The following WWOX variants were observed in gnomAD, a reference collection of about 807,000 sequenced individuals.
WWOX encodes WW domain-containing oxidoreductase.
In WWOX, 69 loss-of-function variants were observed where a neutral mutation model predicts 46.2. That is an observed-to-expected ratio of 1.49 (90% CI 1.23 to 1.82). The LOEUF (loss-of-function observed/expected upper bound fraction) is 1.82. Ranked by LOEUF, WWOX falls within the 40% of genes most tolerant of loss-of-function variation. WWOX has a pLI of 0.00. For missense variants in WWOX, 919 were observed against 542.6 expected, an observed-to-expected ratio of 1.69 and a Z score of -6.89; for synonymous variants, 359 against 202.6, an observed-to-expected ratio of 1.77 and a Z score of -6.56.
At chr16:79,206,173 G>T (rs2051503179) in intron 8 of WWOX, 1 of 152,176 alleles carries the variant, frequency 6.6e-6, no homozygotes, top group African/African-American at 2.4e-5. Flanking sequence ...ACACACGACA[G>T]CCCCCACATT....
chr16:78,786,217 A>T (rs1417321652), intron 8 of WWOX, among the ~76,000 whole-genome samples: 1 of 152,110 alleles, frequency 6.6e-6, no homozygotes, highest in Non-Finnish European at 1.5e-5. Context: ...GCCTGAATTA[A>T]TATTTTCTAC....
At chr16:78,824,939 T>C (rs895322171) in intron 8 of WWOX, among the ~76,000 whole-genome samples, 32 of 152,324 alleles carry the variant, frequency 2.1e-4, no homozygotes, top group African/African-American at 6.7e-4. Flanking sequence ...TTTGTTTTTA[T>C]TTGTTGTTTT....
intron 6 of WWOX, among the ~76,000 whole-genome samples, chr16:78,401,503 A>G (rs531881583): frequency 1.3e-5 from 2 of 152,126 alleles, no homozygotes; most frequent in Admixed American, 1.3e-4. Context: ...GTATCTTGTA[A>G]CCTGTATCCT....
intron 5 of WWOX, among the ~76,000 whole-genome samples, chr16:78,359,848 G>C (rs1409724372): frequency 6.6e-6 from 1 of 152,110 alleles, no homozygotes; most frequent in East Asian, 1.9e-4. Flanking sequence ...AGGTGACTAT[G>C]GACTTAATTT....
At chr16:79,101,873 G>A (rs2049203676) in intron 8 of WWOX, 1 of 151,392 alleles carries the variant, frequency 6.6e-6, no homozygotes, top group South Asian at 2.1e-4. Flanking sequence ...ACAGCGTTTT[G>A]GAGAGAGTGG....
chr16:78,396,757 G>A (rs865851379), intron 6 of WWOX, among the ~76,000 whole-genome samples: 6 of 152,168 alleles, frequency 3.9e-5, no homozygotes, highest in Non-Finnish European at 8.8e-5. Flanking sequence ...CAGTCTCTGC[G>A]GCAACCATTC....
intron 8 of WWOX, among the ~76,000 whole-genome samples, chr16:78,435,539 G>C (rs1037226031): frequency 6.6e-6 from 1 of 152,222 alleles, no homozygotes; most frequent in African/African-American, 2.4e-5. Flanking sequence ...TAGCTCATGA[G>C]AGGGTTTGGA....
intron 6 of WWOX, among the ~76,000 whole-genome samples, chr16:78,409,614 A>C (rs1388823102): frequency 1.3e-5 from 2 of 152,198 alleles, no homozygotes; most frequent in Non-Finnish European, 2.9e-5. Context: ...CTGTTGTAAT[A>C]AATTACCACA....
intron 8 of WWOX, among the ~76,000 whole-genome samples, chr16:78,651,522 C>G (rs2046965777): frequency 2.0e-5 from 3 of 152,216 alleles, no homozygotes; most frequent in Admixed American, 6.5e-5. Context: ...AGGCCAGAGT[C>G]TATCCTTGAT....
chr16:78,212,734 C>T (rs960276558), intron 5 of WWOX, among the ~76,000 whole-genome samples: 1 of 152,166 alleles, frequency 6.6e-6, no homozygotes, highest in African/African-American at 2.4e-5. Flanking sequence ...CTTGATAACT[C>T]ATGAACAGTC....
At chr16:78,864,754 C>CTTTT (rs57606576) in intron 8 of WWOX, among the ~76,000 whole-genome samples, 1,014 of 87,070 alleles carry the variant, frequency 0.012, 99 homozygotes, top group African/African-American at 0.047. Flanking sequence ...TCTCCAACTC[C>CTTTT]TTTTTTTTTT....
intron 8 of WWOX, among the ~76,000 whole-genome samples, chr16:79,152,673 GAAAA>G (rs5818205): frequency 8.0e-6 from 1 of 125,758 alleles, no homozygotes; most frequent in Admixed American, 7.9e-5. Context: ...CCATCTCAAA[GAAAA>G]AAAAAAAAAA....
intron 8 of WWOX, among the ~76,000 whole-genome samples, chr16:78,742,415 A>G (rs577227990): frequency 6.6e-6 from 1 of 152,118 alleles, no homozygotes. Context: ...CTGTGTCTTC[A>G]TGTGCAAATG....
At chr16:78,133,497 G>A (rs2033678690) in intron 4 of WWOX, among the ~76,000 whole-genome samples, 2 of 152,212 alleles carry the variant, frequency 1.3e-5, no homozygotes, top group Non-Finnish European at 2.9e-5. Context: ...CTAACCTCAA[G>A]TGATCTGCCC....
chr16:78,527,688 T>C (rs1360302874), intron 8 of WWOX, among the ~76,000 whole-genome samples: 1 of 152,214 alleles, frequency 6.6e-6, no homozygotes, highest in African/African-American at 2.4e-5. Context: ...TTTAATAATG[T>C]ATGTTGTTAC....
At chr16:78,126,916 C>A (rs985477874) in intron 4 of WWOX, among the ~76,000 whole-genome samples, 2 of 152,288 alleles carry the variant, frequency 1.3e-5, no homozygotes, top group East Asian at 1.9e-4. Context: ...ACAGTAACAG[C>A]GCTTCAGAGC....
At position 78,186,887 on chromosome 16, in the gene WWOX, GAT is replaced by G. The variant is rs148539756; in HGVS notation, c.516+22600_516+22601del. Among the ~76,000 whole-genome samples the G allele has an allele frequency of 5.1e-3, 783 of 152,356 alleles. 7 individuals carry two copies. The highest frequency in any genetic ancestry group is 0.018 in the African/African-American group (748 of 41,578). On this transcript the variant is annotated intron_variant, in intron 5 of 8. Transcript: ENST00000566780. ...GTACCCTTAACCCAGCTTCCCCAGT[GAT>G]AGTCACAGCATAACAATCAAGTCTG...
At chr16:78,543,134 C>A (rs1458286533) in intron 8 of WWOX, among the ~76,000 whole-genome samples, 1 of 152,230 alleles carries the variant, frequency 6.6e-6, no homozygotes, top group Non-Finnish European at 1.5e-5. Context: ...TCTGCACAGT[C>A]CCTGAGGGAC....
chr16:78,432,599 C>G lies in WWOX; in HGVS notation c.903C>G (p.Ile301Met), dbSNP rs758799029. The G allele has an allele frequency of 6.2e-6, 10 of 1,614,230 alleles. No individual in the cohort carries two copies. In the South Asian group the frequency reaches 6.6e-5, roughly 11 times the overall value. Residue 301 changes from isoleucine to methionine, a missense_variant, in exon 8 of 9, where the codon ATC becomes ATG. Physicochemically the swap from Ile to Met is conservative, Grantham distance 10 (BLOSUM62 1). Coordinates refer to ENST00000566780, the MANE Select transcript of WWOX (RefSeq NM_016373.4). ...ATAACAGGTCCAAGCTCTGCAACAT[C>G]CTCTTCTCCAACGAGCTGCACCGTC... The part of the protein sequence containing the change: ...LAYNRSKLCN[I>M]LFSNELHRRL...
Sources: allele counts gnomAD v4.1 joint callset (sites outside exome capture counted in the v4.1 genomes callset), GRCh38; gene constraint gnomAD v4.1.1; transcripts MANE v1.5; gene names NCBI Gene and HGNC (gene_info 2026-07-23, HGNC 2026-07-21).